Variants in DLGAP2 observed in about 807,000 individuals in gnomAD.
The protein encoded by DLGAP2 is disks large-associated protein 2.
Under a neutral mutation model 100.3 loss-of-function variants are expected in DLGAP2, and 26 were observed. The ratio of observed to expected loss-of-function variants is 0.26; its 90% CI spans 0.19 to 0.36. The LOEUF is 0.36. Among genes scored for constraint, DLGAP2 ranks in the 10% least tolerant of loss-of-function variants. DLGAP2 has a pLI of 1.00. For missense variants in DLGAP2, 1,858 were observed against 1,453.2 expected, an observed-to-expected ratio of 1.28 and a Z score of -4.53; for synonymous variants, 886 against 630.1, an observed-to-expected ratio of 1.41 and a Z score of -6.08.
intron 3 of DLGAP2, among the ~76,000 whole-genome samples, chr8:1,432,318 C>T (rs1477413538): frequency 1.3e-5 from 2 of 152,278 alleles, no homozygotes; most frequent in Middle Eastern, 3.4e-3. Context: ...TGAGAAACTG[C>T]TTTTATATTC....
intron 11 of DLGAP2, among the ~76,000 whole-genome samples, chr8:1,677,204 T>C (rs1798831377): frequency 6.6e-6 from 1 of 152,202 alleles, no homozygotes; most frequent in Non-Finnish European, 1.5e-5. Flanking sequence ...AGGGACAGTG[T>C]TGGGTGGCCT....
In DLGAP2 at chr8:753,103, TTGAGAAGCCAGGAGGGTTC is replaced by T. The variant is rs1410694421; in HGVS notation, c.18+15297_18+15315del. ...TCTTGCAAACCTGCAACCAGAGGTG[TTGAGAAGCCAGGAGGGTTC>T]TGAGAAGCCAGGAGGGTTTACTGGT... On this transcript the variant is annotated intron_variant, in intron 1 of 14. Coordinates refer to ENST00000637795, the MANE Select transcript of DLGAP2 (RefSeq NM_001346810.2). 1.1e-4 allele frequency among the ~76,000 whole-genome samples: 16 copies of T among 152,286 alleles called. No individual in the cohort carries two copies. The East Asian group carries it at 1.7e-3, about 17-fold the overall frequency.
chr8:1,470,333 G>C (rs1016272621), intron 3 of DLGAP2, among the ~76,000 whole-genome samples: 3 of 152,098 alleles, frequency 2.0e-5, no homozygotes, highest in Non-Finnish European at 4.4e-5. Flanking sequence ...CCCTCAGCTG[G>C]TGCCACCAAG....
intron 3 of DLGAP2, among the ~76,000 whole-genome samples, chr8:1,341,653 C>G (rs1023085759): frequency 6.6e-6 from 1 of 152,176 alleles, no homozygotes; most frequent in South Asian, 2.1e-4. Flanking sequence ...TGTGGGCTGT[C>G]TTGACCAGAG....
intron 8 of DLGAP2, among the ~76,000 whole-genome samples, chr8:1,654,693 A>G (rs535224720): frequency 3.9e-4 from 59 of 151,952 alleles, no homozygotes; most frequent in Non-Finnish European, 2.4e-4. Flanking sequence ...TTGGAACATA[A>G]TTGTGTCCTA....
chr8:1,412,329 G>A lies in DLGAP2; in HGVS notation c.107-89037G>A, dbSNP rs189264038. Among the ~76,000 whole-genome samples the A allele has an allele frequency of 6.9e-4, 105 of 152,308 alleles. 3 individuals carry two copies. Among genetic ancestry groups the A allele is most frequent in the African/African-American group, 2.4e-3 (99 of 41,572 alleles). On this transcript the variant is annotated intron_variant, in intron 3 of 14. Coordinates refer to ENST00000637795, the MANE Select transcript of DLGAP2 (RefSeq NM_001346810.2). ...TTCTGAGGCTCCATTCTCTCCCTCA[G>A]CCTCCCTGTCTCCCGGGCTCTTTCT...
intron 2 of DLGAP2, among the ~76,000 whole-genome samples, chr8:917,718 T>C (rs536684082): frequency 6.6e-6 from 1 of 152,234 alleles, no homozygotes; most frequent in Non-Finnish European, 1.5e-5. Flanking sequence ...GTAGCTGGGA[T>C]TACAGGGGTG....
intron 3 of DLGAP2, among the ~76,000 whole-genome samples, chr8:1,436,733 T>C (rs897435304): frequency 3.3e-5 from 5 of 152,156 alleles, no homozygotes; most frequent in South Asian, 4.1e-4. Flanking sequence ...ACCCATTCAC[T>C]CACCCACTTA....
chr8:1,539,127 C>T (rs1381277208), intron 4 of DLGAP2, among the ~76,000 whole-genome samples: 5 of 152,080 alleles, frequency 3.3e-5, no homozygotes, highest in Non-Finnish European at 7.4e-5. Context: ...CTCAAGTGAT[C>T]CACCTGCCTC....
At position 1,668,624 on chromosome 8, in the gene DLGAP2, G is replaced by A. The variant is rs766415596; in HGVS notation, c.2106G>A (p.Leu702=). The A allele has an allele frequency of 5.0e-6, 8 of 1,598,888 alleles. No homozygotes were observed. Among genetic ancestry groups the A allele is most frequent in the Non-Finnish European group, 6.8e-6 (8 of 1,173,446 alleles). Reference sequence around the variant, plus strand: ...TGCGGACCAGCGACAAGGCCATCCTGGTGTCCAAGGCGGAGGAGCTCCTCA... The same window carrying A: ...TGCGGACCAGCGACAAGGCCATCCTAGTGTCCAAGGCGGAGGAGCTCCTCA... ...SSVRTSDKAI[L]VSKAEELLKS... is the part of the protein sequence containing the mutation. Residue 702 remains leucine, a synonymous_variant, in exon 9 of 15, where the codon CTG becomes CTA. Transcript: ENST00000637795.
chr8:1,227,295 C>G (rs1036543887), intron 2 of DLGAP2, among the ~76,000 whole-genome samples: 4 of 146,192 alleles, frequency 2.7e-5, no homozygotes, highest in Non-Finnish European at 5.9e-5. Context: ...TAATGCCTTT[C>G]TTTTTCTCCT....
intron 2 of DLGAP2, among the ~76,000 whole-genome samples, chr8:1,013,690 G>A (rs1156456001): frequency 1.1e-5 from 1 of 93,984 alleles, no homozygotes; most frequent in East Asian, 2.8e-4. Flanking sequence ...CAGGACAGAC[G>A]ATGCCTCCAT....
chr8:861,204 A>T (rs894930959), intron 1 of DLGAP2, among the ~76,000 whole-genome samples: 1 of 152,220 alleles, frequency 6.6e-6, no homozygotes, highest in Non-Finnish European at 1.5e-5. Flanking sequence ...TACACGATAC[A>T]GTATAACAAC....
At chr8:1,270,472 C>A (rs1209469194) in intron 3 of DLGAP2, among the ~76,000 whole-genome samples, 2 of 152,150 alleles carry the variant, frequency 1.3e-5, no homozygotes, top group Admixed American at 1.3e-4. Context: ...TCCACTCTTG[C>A]CTTACGTCCA....
At chr8:1,082,664 T>C (rs1041538270) in intron 2 of DLGAP2, among the ~76,000 whole-genome samples, 8 of 152,210 alleles carry the variant, frequency 5.3e-5, no homozygotes, top group Admixed American at 2.0e-4. Context: ...AAGGGCTTAT[T>C]TGAGGACTGC....
At chr8:1,451,920 A>G (rs1798170961) in intron 3 of DLGAP2, among the ~76,000 whole-genome samples, 1 of 152,096 alleles carries the variant, frequency 6.6e-6, no homozygotes, top group Admixed American at 6.5e-5. Context: ...CAGGCCCCAC[A>G]CCCTGCTCTC....
chr8:1,678,767 C>A, intron 12 of DLGAP2, 138 bp downstream of exon 12: 2 of 906,554 alleles, frequency 2.2e-6, no homozygotes, highest in Non-Finnish European at 1.5e-6. Flanking sequence ...TCTAGTATAT[C>A]CCCCTCAATT....
chr8:1,562,408 G>A (rs186881705), intron 5 of DLGAP2, among the ~76,000 whole-genome samples: 4 of 48,810 alleles, frequency 8.2e-5, no homozygotes, highest in Admixed American at 2.9e-4. Context: ...TCCGCGCCTC[G>A]TTACTGGGGG....
intron 3 of DLGAP2, among the ~76,000 whole-genome samples, chr8:1,475,051 T>G (rs1798894426): frequency 6.6e-6 from 1 of 152,112 alleles, no homozygotes; most frequent in Admixed American, 6.5e-5. Flanking sequence ...TACGCAGCCA[T>G]CAGGAAGAAT....
Sources: allele counts gnomAD v4.1 joint callset (sites outside exome capture counted in the v4.1 genomes callset), GRCh38; gene constraint gnomAD v4.1.1; transcripts MANE v1.5; gene names NCBI Gene and HGNC (gene_info 2026-07-23, HGNC 2026-07-21).